FANCI: variants seen among roughly 807,000 people sequenced by gnomAD.
FANCI encodes FA complementation group I.
FANCI carries 156 observed loss-of-function variants against 176.1 expected under a neutral mutation model. The ratio of observed to expected loss-of-function variants is 0.89; its 90% confidence interval spans 0.78 to 1.01. The LOEUF (loss-of-function observed/expected upper bound fraction) is 1.01. Ranked by LOEUF, FANCI falls within the 50% of genes least tolerant of loss-of-function variation. FANCI has a pLI of 0.00. For missense variants in FANCI, 1,678 were observed against 1,534.1 expected, an observed-to-expected ratio of 1.09 and a Z score of -1.57; for synonymous variants, 613 against 541.7, an observed-to-expected ratio of 1.13 and a Z score of -1.83.
intron 34 of FANCI, among the ~76,000 whole-genome samples, chr15:89,308,661 T>C (rs970428831): frequency 2.0e-5 from 3 of 152,088 alleles, no homozygotes; most frequent in Non-Finnish European, 4.4e-5. Flanking sequence ...GAATCAGCAA[T>C]CAGCTGGGCA....
intron 17 of FANCI, among the ~76,000 whole-genome samples, chr15:89,283,968 TAGTC>T (rs1293195874): frequency 1.3e-5 from 2 of 152,074 alleles, no homozygotes; most frequent in Non-Finnish European, 2.9e-5. Flanking sequence ...TTCATTGTGT[TAGTC>T]AGGAGGTCTC....
At position 89,260,770 on chromosome 15, in the gene FANCI, G is replaced by C. The variant is rs772418934; in HGVS notation, c.215G>C (p.Cys72Ser). Reference protein sequence around the residue: ...TLRRRKIYTCCIQLVESGDLQ... With the variant: ...TLRRRKIYTCSIQLVESGDLQ... ...AGGAGACGTAAGATATACACTTGTT[G>C]TATCCAGTTGGTGGAATCGGGGGAT... Residue 72 changes from cysteine to serine, a missense_variant, in exon 4 of 38, where the codon TGT (cysteine) becomes TCT (serine). Transcript: ENST00000310775. 2.5e-6 allele frequency: 4 copies of C among 1,613,926 alleles called. No individual in the cohort carries two copies. The African/African-American group carries it at 5.3e-5, about 22-fold the overall frequency.
chr15:89,247,787 T>A, intron 2 of FANCI, 56 bp downstream of exon 2: 1 of 1,470,676 alleles, frequency 6.8e-7, no homozygotes, highest in East Asian at 2.3e-5. Context: ...GATGACACAT[T>A]CAAAGGACAT....
At chr15:89,311,468 A>G (rs1049615140) in intron 34 of FANCI, among the ~76,000 whole-genome samples, 1 of 152,036 alleles carries the variant, frequency 6.6e-6, no homozygotes, top group African/African-American at 2.4e-5. Flanking sequence ...GCCCGCCCGG[A>G]TCAGTTGGAA....
At position 89,316,871 on chromosome 15, in the gene FANCI, G is replaced by T; in HGVS notation, c.*412G>T. The T allele has an allele frequency of 7.3e-7, 1 of 1,376,180 alleles. No individual in the cohort carries two copies. Among genetic ancestry groups the T allele is most frequent in the Non-Finnish European group, 1.0e-6 (1 of 962,652 alleles). The allele number at this position is 1,376,180 out of a possible 1,614,324, so 85.2% of individuals were successfully genotyped here. A position where few individuals can be genotyped will look rare whatever the true frequency, so the allele number is the denominator to read the frequency against. ...TGGTTAGGATGCCACCTCAAGAACT[G>T]TAACTGAGAGCTCAGAAGTGAGCAA... is the stretch of plus-strand genomic sequence containing the variant. On this transcript the variant is annotated 3_prime_UTR_variant, in exon 38 of 38. Coordinates refer to ENST00000310775, the MANE Select transcript of FANCI (RefSeq NM_001113378.2).
intron 34 of FANCI, chr15:89,307,980 A>G (rs1373242411): frequency 2.4e-6 from 3 of 1,270,064 alleles, no homozygotes; most frequent in Non-Finnish European, 3.0e-6. Flanking sequence ...AGTCCATGCC[A>G]TGAGGCATCC....
At chr15:89,293,290 T>C (rs1402615532) in intron 22 of FANCI, among the ~76,000 whole-genome samples, 2 of 152,186 alleles carry the variant, frequency 1.3e-5, no homozygotes, top group Non-Finnish European at 1.5e-5. Context: ...TTTCACTTAC[T>C]CAGAATTTCC....
Position 89,263,351 on chromosome 15 carries a change from C to T in FANCI, c.504-68C>T, listed in dbSNP as rs1248306019. ...TGAATTGGCCCTGTTTTTTTGTCCT[C>T]ATTAATTTTACAAAGTTATATCTAA... is the stretch of plus-strand genomic sequence containing the variant. On this transcript the variant is annotated intron_variant, in intron 6 of 37. Transcript: ENST00000310775. 6 of 1,366,860 alleles carry T rather than the reference C, an allele frequency of 4.4e-6. No individual in the cohort carries two copies. In the Admixed American group the frequency reaches 5.1e-5, roughly 12 times the overall value. The allele number at this position is 1,366,860 out of a possible 1,614,324, so 84.7% of individuals were successfully genotyped here.
chr15:89,298,036 CTTAA>C (rs776199287), intron 24 of FANCI, among the ~76,000 whole-genome samples: 7 of 151,694 alleles, frequency 4.6e-5, no homozygotes, highest in Non-Finnish European at 8.8e-5. Flanking sequence ...TAGACAAATC[CTTAA>C]TTAATGTAAT....
intron 27 of FANCI, among the ~76,000 whole-genome samples, chr15:89,302,532 A>T (rs1381420030): frequency 1.3e-5 from 2 of 152,040 alleles, no homozygotes; most frequent in Non-Finnish European, 2.9e-5. Flanking sequence ...ACGTTTTACC[A>T]CCTACCCCTT....
At chr15:89,247,457 A>G in intron 1 of FANCI, 172 bp from the exon 2 acceptor site, 1 of 611,974 alleles carries the variant, frequency 1.6e-6, no homozygotes, top group South Asian at 2.0e-5. Context: ...TCATCTTGCC[A>G]CTGAGCTTAA....
At chr15:89,313,676 T>G (rs2055056153) in intron 35 of FANCI, among the ~76,000 whole-genome samples, 1 of 152,166 alleles carries the variant, frequency 6.6e-6, no homozygotes. Context: ...AGTTTCACTT[T>G]TAGGATATAC....
chr15:89,287,568 A>G (rs2053869169), intron 18 of FANCI, among the ~76,000 whole-genome samples: 1 of 152,230 alleles, frequency 6.6e-6, no homozygotes, highest in African/African-American at 2.4e-5. Flanking sequence ...TTTTCTTTGC[A>G]TTCACAACTT....
At chr15:89,308,165 C>T in intron 34 of FANCI, 5 of 1,046,248 alleles carry the variant, frequency 4.8e-6, no homozygotes, top group Non-Finnish European at 4.6e-6. Context: ...TTGCTTAAAC[C>T]AGTTTTTTAA....
chr15:89,299,028 G>A (rs892549720), intron 24 of FANCI, among the ~76,000 whole-genome samples: 1 of 152,000 alleles, frequency 6.6e-6, no homozygotes, highest in Non-Finnish European at 1.5e-5. Flanking sequence ...ACAAAAATTA[G>A]CTGGGCGTGG....
intron 24 of FANCI, among the ~76,000 whole-genome samples, chr15:89,296,771 C>A (rs1023400844): frequency 2.0e-5 from 3 of 151,810 alleles, no homozygotes; most frequent in African/African-American, 7.3e-5. Context: ...GTAGGGGCCC[C>A]TCACCTCCCA....
At chr15:89,282,018 C>A in intron 16 of FANCI, 183 bp downstream of exon 16, 2 of 603,242 alleles carry the variant, frequency 3.3e-6, no homozygotes, top group Non-Finnish European at 6.0e-6. Flanking sequence ...ATTTAGTCTT[C>A]AGAGCAACCC....
At chr15:89,314,794 A>T in intron 36 of FANCI, 87 bp downstream of exon 36, 1 of 932,256 alleles carries the variant, frequency 1.1e-6, no homozygotes, top group Admixed American at 1.8e-5. Flanking sequence ...ACAATGGAGG[A>T]AAAGAGACTC....
intron 17 of FANCI, among the ~76,000 whole-genome samples, chr15:89,283,983 G>A (rs1393521867): frequency 1.3e-5 from 2 of 151,850 alleles, no homozygotes; most frequent in African/African-American, 4.8e-5. Flanking sequence ...AGGAGGTCTC[G>A]ATCTCCTGAC....
Sources: allele counts gnomAD v4.1 joint callset (sites outside exome capture counted in the v4.1 genomes callset), GRCh38; gene constraint gnomAD v4.1.1; transcripts MANE v1.5; gene names NCBI Gene and HGNC (gene_info 2026-07-23, HGNC 2026-07-21).